SLC19A3: variants seen among roughly 807,000 people sequenced by gnomAD.
SLC19A3 encodes the protein thiamine transporter 2.
A neutral mutation model predicts 40.2 loss-of-function variants in SLC19A3; 31 were observed. The observed-to-expected ratio is 0.77, with a 90% CI of 0.58 to 1.04. SLC19A3 has a LOEUF of 1.04. Among genes scored for constraint, SLC19A3 ranks in the 50% least tolerant of loss-of-function variants. The pLI is 0.00. For missense variants in SLC19A3, 592 were observed against 596.7 expected, an observed-to-expected ratio of 0.99 and a Z score of 0.08; for synonymous variants, 212 against 227.5, an observed-to-expected ratio of 0.93 and a Z score of 0.61.
chr2:227,702,648 T>A, intron 1 of SLC19A3: 2 of 328,688 alleles, frequency 6.1e-6, no homozygotes, highest in Non-Finnish European at 1.2e-5. Flanking sequence ...TTGCTTGAAA[T>A]GCAAGCTTTA....
Position 227,686,190 on chromosome 2 carries a change from G to C in SLC19A3, c.*1207C>G, listed in dbSNP as rs1427276202. 2.3e-6 allele frequency: 1 copy of C among 434,162 alleles called. No homozygotes were observed. Among genetic ancestry groups the C allele is most frequent in the Non-Finnish European group, 4.6e-6 (1 of 215,832 alleles). 26.9% of individuals were successfully genotyped at this position (434,162 alleles called of 1,614,324 possible). A position where few individuals can be genotyped will look rare whatever the true frequency, so the allele number is the denominator to read the frequency against. On this transcript the variant is annotated 3_prime_UTR_variant, in exon 6 of 6. Coordinates refer to ENST00000644224, the MANE Select transcript of SLC19A3 (RefSeq NM_025243.4). ...CCAGCCTGGGTGAGAGAGCGAGACT[G>C]TCTCAAAAACCAAAACAAAACAAAA...
chr2:227,686,231 C>A lies in SLC19A3; in HGVS notation c.*1166G>T. 1 of 390,530 alleles carries A rather than the reference C, an allele frequency of 2.6e-6. No individual in the cohort carries two copies. Among genetic ancestry groups the A allele is most frequent in the Non-Finnish European group, 5.1e-6 (1 of 194,216 alleles). The allele number at this position is 390,530 out of a possible 1,614,324, so 24.2% of individuals were successfully genotyped here. On this transcript the variant is annotated 3_prime_UTR_variant, in exon 6 of 6. Transcript: ENST00000644224. ...CAAAACAAAATCAGGTGTTTTATTCCACTCCCCCCATCAGTGTTTTCTTAT... is the reference window on the plus strand; with the variant it reads ...CAAAACAAAATCAGGTGTTTTATTCAACTCCCCCCATCAGTGTTTTCTTAT...
chr2:227,717,297 T>C (rs1574587034), intron 1 of SLC19A3, among the ~76,000 whole-genome samples: 1 of 152,200 alleles, frequency 6.6e-6, no homozygotes, highest in East Asian at 1.9e-4. Flanking sequence ...CCACTGCGCC[T>C]GGCCTGAGAG....
chr2:227,716,802 G>T (rs1172156053), intron 1 of SLC19A3, among the ~76,000 whole-genome samples: 1 of 151,962 alleles, frequency 6.6e-6, no homozygotes, highest in Non-Finnish European at 1.5e-5. Flanking sequence ...AGTGTTGTTG[G>T]TCTATTAGCA....
chr2:227,717,507 T>C (rs1696374120), intron 1 of SLC19A3, among the ~76,000 whole-genome samples: 1 of 152,192 alleles, frequency 6.6e-6, no homozygotes, highest in Non-Finnish European at 1.5e-5. Context: ...ATTAACTAAA[T>C]TTCAAGTGGT....
chr2:227,692,171 T>G (rs918116347), intron 4 of SLC19A3, among the ~76,000 whole-genome samples: 1 of 152,020 alleles, frequency 6.6e-6, no homozygotes, highest in Non-Finnish European at 1.5e-5. Context: ...CAAACTATTC[T>G]AAAAAACAGA....
At chr2:227,687,821 C>T (rs1421989889) in intron 5 of SLC19A3, among the ~76,000 whole-genome samples, 1 of 152,124 alleles carries the variant, frequency 6.6e-6, no homozygotes, top group Non-Finnish European at 1.5e-5. Context: ...ATCATAGTTA[C>T]TATCATCAAT....
In SLC19A3 at chr2:227,714,333, C is replaced by T. The variant is rs553162572; in HGVS notation, c.-3+3610G>A. ...TTTCTGATGAAAACAGTGCCCGTAA[C>T]GCAAAGCTAGGACAGGGCAATAAAC... On this transcript the variant is annotated intron_variant, in intron 1 of 5. Transcript: ENST00000644224. 13 of 722,926 alleles carry T rather than the reference C, an allele frequency of 1.8e-5. No homozygotes were observed. The South Asian group carries it at 1.9e-4, about 10-fold the overall frequency. 44.8% of individuals were successfully genotyped at this position (722,926 alleles called of 1,614,324 possible).
chr2:227,686,277 T>C lies in SLC19A3; in HGVS notation c.*1120A>G. On this transcript the variant is annotated 3_prime_UTR_variant, in exon 6 of 6. Coordinates refer to ENST00000644224, the MANE Select transcript of SLC19A3 (RefSeq NM_025243.4). ...CTTATTTCTAATACTTCTAGAAACC[T>C]CCTTTAAGTTTTCCTATTTTAGACA... 3.0e-6 allele frequency: 1 copy of C among 331,062 alleles called. No homozygotes were observed. The highest frequency in any genetic ancestry group is 9.8e-5 in the East Asian group (1 of 10,164). 20.5% of individuals were successfully genotyped at this position (331,062 alleles called of 1,614,324 possible).
chr2:227,694,807 C>A (rs1198338161), intron 4 of SLC19A3, among the ~76,000 whole-genome samples: 1 of 152,158 alleles, frequency 6.6e-6, no homozygotes, highest in African/African-American at 2.4e-5. Context: ...GTAATCCTAC[C>A]ACTTTGGGAA....
At position 227,703,648 on chromosome 2, in the gene SLC19A3, CTGCTGGGTT is replaced by C. The variant is rs1292728225; in HGVS notation, c.-2-1337_-2-1329del. On this transcript the variant is annotated intron_variant, in intron 1 of 5. Transcript: ENST00000644224. The surrounding 1 kb of genome is among the most constrained non-coding windows in gnomAD (Gnocchi z 4.7). The stretch of plus-strand genomic sequence containing the variant: ...AGGGCTTTCTCTTCTTCCTGGAATG[CTGCTGGGTT>C]TGCTGGTGCTTTCTGTCTTCGTTGT... Among the ~76,000 whole-genome samples the C allele has an allele frequency of 6.6e-6, 1 of 152,194 alleles. No individual in the cohort carries two copies. Among genetic ancestry groups the C allele is most frequent in the African/African-American group, 2.4e-5 (1 of 41,452 alleles).
chr2:227,702,888 T>C (rs1305523053), intron 1 of SLC19A3: 1 of 157,122 alleles, frequency 6.4e-6, no homozygotes, highest in Non-Finnish European at 1.4e-5. Context: ...CTGAGATACA[T>C]TTATAGGAAG....
chr2:227,695,694 A>G (rs2106325695), intron 4 of SLC19A3, 195 bp downstream of exon 4: 1 of 609,200 alleles, frequency 1.6e-6, no homozygotes. Context: ...TTGATGACTT[A>G]AGGTATATTG....
Position 227,703,421 on chromosome 2 carries a change from G to A in SLC19A3, c.-2-1101C>T, listed in dbSNP as rs139035287. On this transcript the variant is annotated intron_variant, in intron 1 of 5. Transcript: ENST00000644224. This position sits in a 1 kb window ranked among gnomAD's most constrained non-coding sequence, Gnocchi z 4.7. ...CCCTACCCTTTCCCAAGGTGACCCC[G>A]ACAGCTGCATAATTCCTCTCTTAAG... Among the ~76,000 whole-genome samples, 402 of 152,174 alleles carry A rather than the reference G, an allele frequency of 2.6e-3. 1 individual carries two copies. The highest frequency in any genetic ancestry group is 3.0e-3 in the Non-Finnish European group (206 of 68,008).
At chr2:227,716,622 G>C (rs2106346492) in intron 1 of SLC19A3, among the ~76,000 whole-genome samples, 1 of 152,256 alleles carries the variant, frequency 6.6e-6, no homozygotes, top group Admixed American at 6.5e-5. Flanking sequence ...CCTAGCAGAA[G>C]CCCATCCACT....
chr2:227,711,426 ATAAAAT>A (rs1313094041), intron 1 of SLC19A3, among the ~76,000 whole-genome samples: 2 of 119,804 alleles, frequency 1.7e-5, no homozygotes, highest in East Asian at 6.9e-4. Flanking sequence ...TCTCAAAAAA[ATAAAAT>A]AAAATAAAAT....
chr2:227,715,217 C>T (rs1696291095), intron 1 of SLC19A3, among the ~76,000 whole-genome samples: 1 of 151,762 alleles, frequency 6.6e-6, no homozygotes, highest in South Asian at 2.1e-4. Context: ...GTAGCCTTAT[C>T]ACCCATCTAT....
In SLC19A3 at chr2:227,699,461, A is replaced by G. The variant is rs758769189; in HGVS notation, c.254T>C (p.Leu85Ser). Residue 85 changes from leucine to serine, a missense_variant, in exon 3 of 6, where the codon TTG becomes TCG. Coordinates refer to ENST00000644224, the MANE Select transcript of SLC19A3 (RefSeq NM_025243.4). ...DYVRYKPVII[L>S]QGISFIITWL... ...GGTAATGATGAAACTGATACCTTGC[A>G]AGATGATGACTGGCTTGTAGCGGAC... 1 of 1,614,226 alleles carries G rather than the reference A, an allele frequency of 6.2e-7. No homozygotes were observed. Among genetic ancestry groups the G allele is most frequent in the South Asian group, 1.1e-5 (1 of 91,076 alleles).
intron 1 of SLC19A3, chr2:227,714,565 CCTGGAGTCT>C: frequency 1.0e-6 from 1 of 985,162 alleles, no homozygotes; most frequent in Non-Finnish European, 1.2e-6. Context: ...CTTTCCATAC[CCTGGAGTCT>C]CTTGTCCTCC....
Sources: gnomAD v4.1 joint callset for allele counts (sites outside exome capture counted in the v4.1 genomes callset) on GRCh38, gnomAD v4.1.1 for gene constraint, Gnocchi (gnomAD v3.1) non-coding constraint, MANE v1.5 for transcripts, NCBI Gene and HGNC (gene_info 2026-07-23, HGNC 2026-07-21) for gene names.